VSTM2L: variants seen among roughly 807,000 people sequenced by gnomAD.
The protein encoded by VSTM2L is V-set and transmembrane domain containing 2 like.
A neutral mutation model predicts 19.9 loss-of-function variants in VSTM2L; 9 were observed. That is an observed-to-expected ratio of 0.45 (90% CI 0.27 to 0.79). The LOEUF (loss-of-function observed/expected upper bound fraction) is 0.79, where lower values mean the gene tolerates loss of function less well. Ranked by LOEUF, VSTM2L falls within the 30% of genes least tolerant of loss-of-function variation. VSTM2L has a pLI of 0.15. For missense variants in VSTM2L, 286 were observed against 295.5 expected, an observed-to-expected ratio of 0.97 and a Z score of 0.24; for synonymous variants, 127 against 133.8, an observed-to-expected ratio of 0.95 and a Z score of 0.35.
At chr20:37,936,641 C>T (rs770887204) in intron 3 of VSTM2L, among the ~76,000 whole-genome samples, 3 of 152,164 alleles carry the variant, frequency 2.0e-5, no homozygotes, top group Non-Finnish European at 4.4e-5. Context: ...CTCTAAGAGT[C>T]GGCTGTGCTG....
rs574273047 is a variant in VSTM2L at position 37,905,762 on chromosome 20, C to T, written c.121+2291C>T. ...GGAGCCCCCACAGCTGCCCCTCTGC[C>T]GTGCCAAGCACCCGCCACCACAGGA... On this transcript the variant is annotated intron_variant, in intron 1 of 3. Transcript: ENST00000373461. Among the ~76,000 whole-genome samples, 133 of 152,262 alleles carry T rather than the reference C, an allele frequency of 8.7e-4. 1 individual carries two copies. Among genetic ancestry groups the T allele is most frequent in the Admixed American group, 2.2e-3 (34 of 15,300 alleles).
chr20:37,926,407 G>T (rs1215382664), intron 1 of VSTM2L, among the ~76,000 whole-genome samples: 1 of 152,070 alleles, frequency 6.6e-6, no homozygotes, highest in African/African-American at 2.4e-5. Context: ...AGGCGCGGTG[G>T]CTCACACCTG....
intron 1 of VSTM2L, among the ~76,000 whole-genome samples, chr20:37,922,119 A>G (rs1278302142): frequency 6.6e-6 from 1 of 152,164 alleles, no homozygotes; most frequent in Non-Finnish European, 1.5e-5. Flanking sequence ...GCTGCTGTGC[A>G]GCCATCACCA....
intron 3 of VSTM2L, 92 bp downstream of exon 3, chr20:37,933,681 T>C (rs552914410): frequency 7.9e-7 from 1 of 1,268,934 alleles, no homozygotes; most frequent in South Asian, 1.3e-5. Context: ...GCAGGGAGCT[T>C]GGGCAAGAAG....
rs534686022 is a variant in VSTM2L at position 37,945,098 on chromosome 20, G to A, written c.*845G>A. 1 of 985,752 alleles carries A rather than the reference G, an allele frequency of 1.0e-6. No individual in the cohort carries two copies. Among genetic ancestry groups the A allele is most frequent in the Admixed American group, 6.1e-5 (1 of 16,286 alleles). The allele number at this position is 985,752 out of a possible 1,614,324, so 61.1% of individuals were successfully genotyped here. A position where few individuals can be genotyped will look rare whatever the true frequency, so the allele number is the denominator to read the frequency against. On this transcript the variant is annotated 3_prime_UTR_variant, in exon 4 of 4. Transcript: ENST00000373461. ...CCGCCCCAGGGCCTGGGGCTGTTGG[G>A]AGCCAAGGGCCCCCTGGTACTCAGT...
chr20:37,941,440 C>T (rs544333199), intron 3 of VSTM2L, among the ~76,000 whole-genome samples: 124 of 146,576 alleles, frequency 8.5e-4, no homozygotes, highest in Non-Finnish European at 1.3e-3. Flanking sequence ...GGGGTGTTGA[C>T]GAAAGAGCCC....
At chr20:37,929,075 G>T (rs1316353890) in intron 1 of VSTM2L, among the ~76,000 whole-genome samples, 1 of 152,228 alleles carries the variant, frequency 6.6e-6, no homozygotes, top group African/African-American at 2.4e-5. Context: ...GCGTTGGAGG[G>T]AAGGGTGGTT....
chr20:37,933,187 CAA>C (rs1374210464), intron 2 of VSTM2L, among the ~76,000 whole-genome samples: 1 of 152,100 alleles, frequency 6.6e-6, no homozygotes, highest in Non-Finnish European at 1.5e-5. Flanking sequence ...CAGAGTGACT[CAA>C]GGGTACAAAC....
At chr20:37,928,415 G>A (rs2072890318) in intron 1 of VSTM2L, among the ~76,000 whole-genome samples, 1 of 152,184 alleles carries the variant, frequency 6.6e-6, no homozygotes, top group Non-Finnish European at 1.5e-5. Flanking sequence ...TCTGGACCCT[G>A]CTCCACCACT....
In VSTM2L at chr20:37,903,429, C is replaced by A; in HGVS notation, c.79C>A (p.Pro27Thr). 1 of 1,488,184 alleles carries A rather than the reference C, an allele frequency of 6.7e-7. No homozygotes were observed. Among genetic ancestry groups the A allele is most frequent in the Non-Finnish European group, 8.9e-7 (1 of 1,125,584 alleles). 92.2% of individuals were successfully genotyped at this position (1,488,184 alleles called of 1,614,324 possible). The change falls in exon 1 of 4, where the codon CCC (proline) becomes ACC (threonine). Residue 27 changes from proline to threonine, a missense_variant. Transcript: ENST00000373461. ...CCTGCAACTCGGCGGCGCCACGCGGCCCGCCGGCCACGCGCCCTGGGACAA... is the reference window on the plus strand; with the variant it reads ...CCTGCAACTCGGCGGCGCCACGCGGACCGCCGGCCACGCGCCCTGGGACAA... ...LFLQLGGATR[P>T]AGHAPWDNHV...
chr20:37,934,032 C>G (rs997481369), intron 3 of VSTM2L, among the ~76,000 whole-genome samples: 2 of 152,212 alleles, frequency 1.3e-5, no homozygotes, highest in African/African-American at 4.8e-5. Flanking sequence ...ACTGGCCAGG[C>G]CTTCTTATTT....
chr20:37,905,697 G>A (rs1350920741), intron 1 of VSTM2L, among the ~76,000 whole-genome samples: 1 of 152,098 alleles, frequency 6.6e-6, no homozygotes, highest in African/African-American at 2.4e-5. Flanking sequence ...GCCTTCCCCC[G>A]ACATTGCCAG....
At chr20:37,912,288 C>T (rs2072784551) in intron 1 of VSTM2L, among the ~76,000 whole-genome samples, 1 of 152,224 alleles carries the variant, frequency 6.6e-6, no homozygotes. Context: ...GAGCAGCGCT[C>T]CTGGCTTGGT....
chr20:37,943,004 G>A (rs535977218), intron 3 of VSTM2L, among the ~76,000 whole-genome samples: 2 of 152,144 alleles, frequency 1.3e-5, no homozygotes, highest in South Asian at 2.1e-4. Context: ...TCGCGCTGTC[G>A]CCCAGGCTGG....
chr20:37,918,533 T>G (rs926282005), intron 1 of VSTM2L, among the ~76,000 whole-genome samples: 3 of 152,248 alleles, frequency 2.0e-5, no homozygotes, highest in Non-Finnish European at 2.9e-5. Context: ...ACAGTTACCC[T>G]CTATTTATGG....
chr20:37,911,187 T>C (rs2072777377), intron 1 of VSTM2L, among the ~76,000 whole-genome samples: 1 of 141,012 alleles, frequency 7.1e-6, no homozygotes, highest in South Asian at 2.2e-4. Context: ...AGAGAATTGC[T>C]TGAATCCAGG....
chr20:37,930,876 C>T (rs2072904607), intron 1 of VSTM2L, among the ~76,000 whole-genome samples: 1 of 152,176 alleles, frequency 6.6e-6, no homozygotes. Flanking sequence ...AGCTCTGTGT[C>T]CCTGTCCTCC....
chr20:37,924,328 G>A (rs182416445), intron 1 of VSTM2L, among the ~76,000 whole-genome samples: 17 of 152,098 alleles, frequency 1.1e-4, no homozygotes, highest in African/African-American at 3.4e-4. Context: ...CGAGGTGGGC[G>A]GATCACCTGA....
At chr20:37,912,213 C>T (rs557481544) in intron 1 of VSTM2L, among the ~76,000 whole-genome samples, 214 of 152,326 alleles carry the variant, frequency 1.4e-3, no homozygotes, top group African/African-American at 4.7e-3. Flanking sequence ...AGCCAGAGTT[C>T]GTAGCCTGCG....
Sources: gnomAD v4.1 joint callset for allele counts (sites outside exome capture counted in the v4.1 genomes callset) on GRCh38, gnomAD v4.1.1 for gene constraint, MANE v1.5 for transcripts, NCBI Gene and HGNC (gene_info 2026-07-23, HGNC 2026-07-21) for gene names.